DRC3: variants seen among roughly 807,000 people sequenced by gnomAD.
The protein encoded by DRC3 is leucine rich repeat containing 48.
A neutral mutation model predicts 57.6 loss-of-function variants in DRC3; 45 were observed. That is an observed-to-expected ratio of 0.78 (90% CI 0.62 to 1.00). The LOEUF (loss-of-function observed/expected upper bound fraction) is 1.00. Ranked by LOEUF, DRC3 falls within the 50% of genes least tolerant of loss-of-function variation. The probability of loss-of-function intolerance (pLI) is 0.00; values close to 1 mark genes in which losing one functional copy is unlikely to be tolerated. For synonymous variants in DRC3, 257 were observed against 272.3 expected (o/e 0.94, Z 0.55); for missense variants, 655 against 675.2 (o/e 0.97, Z 0.33).
At chr17:17,997,362 GCA>G (rs2043501893) in intron 8 of DRC3, 96 bp from the exon 9 acceptor site, 25 of 1,097,520 alleles carry the variant, frequency 2.3e-5, no homozygotes, top group Non-Finnish European at 3.3e-5. Flanking sequence ...ACTGTTGAGC[GCA>G]CAGTCTGTGC....
At chr17:18,002,238 A>G (rs866149799) in intron 9 of DRC3, among the ~76,000 whole-genome samples, 1 of 152,148 alleles carries the variant, frequency 6.6e-6, no homozygotes. Flanking sequence ...TTGAATCTTC[A>G]TCAGGAATTT....
intron 9 of DRC3, among the ~76,000 whole-genome samples, chr17:18,000,245 TGA>T (rs1491244581): frequency 1.9e-4 from 28 of 144,420 alleles, no homozygotes; most frequent in East Asian, 4.0e-4. Flanking sequence ...TGCTTTCACG[TGA>T]GTGTGTGTGT....
Position 17,983,907 on chromosome 17 carries a change from C to G in DRC3, c.240C>G (p.Ile80Met), listed in dbSNP as rs761876333. 6.2e-7 allele frequency: 1 copy of G among 1,613,434 alleles called. No homozygotes were observed. ...LQLDNNIIEK[I>M]EGLENLAHLV... ...TGGACAATAACATCATTGAGAAGAT[C>G]GAGGGCCTGGAGAACCTCGCACACC... Residue 80 changes from isoleucine to methionine, a missense_variant, in exon 4 of 14, where the codon ATC becomes ATG. Coordinates refer to ENST00000399187, the MANE Select transcript of DRC3 (RefSeq NM_031294.4).
chr17:18,005,374 C>T (rs2043909158), intron 10 of DRC3: 1 of 152,384 alleles, frequency 6.6e-6, no homozygotes, highest in South Asian at 2.1e-4. Context: ...GGTGCTCACT[C>T]TGCAGACAGT....
chr17:18,004,608 G>T, intron 10 of DRC3, 114 bp downstream of exon 10: 1 of 1,191,300 alleles, frequency 8.4e-7, no homozygotes, highest in Non-Finnish European at 1.2e-6. Context: ...GCACGACTCA[G>T]CGTGGCAGGC....
At chr17:18,009,864 A>G (rs556375233) in intron 12 of DRC3, among the ~76,000 whole-genome samples, 1 of 152,332 alleles carries the variant, frequency 6.6e-6, no homozygotes, top group African/African-American at 2.4e-5. Context: ...AATCTGTCCC[A>G]TATCTATTTT....
chr17:17,978,470 C>A (rs140227888), intron 3 of DRC3, among the ~76,000 whole-genome samples: 1 of 152,140 alleles, frequency 6.6e-6, no homozygotes, highest in African/African-American at 2.4e-5. Flanking sequence ...GATCCTGAGA[C>A]CCCCCTTTGT....
chr17:18,016,017 C>T (rs369426371), intron 12 of DRC3, 47 bp from the exon 13 acceptor site: 78 of 1,600,820 alleles, frequency 4.9e-5, no homozygotes, highest in East Asian at 1.1e-4. Context: ...TTTGTGTTCA[C>T]GGTATAATGA....
At chr17:18,005,107 C>T (rs2043899789) in intron 10 of DRC3, 1 of 152,676 alleles carries the variant, frequency 6.5e-6, no homozygotes, top group African/African-American at 2.4e-5. Flanking sequence ...CATCACATCA[C>T]AGGGCAGGTG....
At chr17:18,000,752 A>G (rs1292225133) in intron 9 of DRC3, among the ~76,000 whole-genome samples, 2 of 152,046 alleles carry the variant, frequency 1.3e-5, no homozygotes, top group African/African-American at 4.8e-5. Flanking sequence ...CTGAGTATGC[A>G]TTTATTTTCT....
chr17:17,987,957 C>T lies in DRC3; in HGVS notation c.303C>T (p.Thr101=), dbSNP rs1016903650. ...ATCTGTCTTTCAACAACATTGAGAC[C>T]ATCGAGGGGCTGGACACACTGGTGA... ...WLDLSFNNIE[T]IEGLDTLVNL... The change falls in exon 5 of 14, where the codon ACC becomes ACT. Residue 101 remains threonine (T), a synonymous_variant. Transcript: ENST00000399187. The T allele has an allele frequency of 6.2e-7, 1 of 1,613,958 alleles. No homozygotes were observed.
At chr17:18,011,117 C>T (rs1256844064) in intron 12 of DRC3, 2 of 209,284 alleles carry the variant, frequency 9.6e-6, no homozygotes, top group Admixed American at 1.2e-4. Flanking sequence ...GCCACCATGC[C>T]CAGCTAATTT....
intron 13 of DRC3, 160 bp downstream of exon 13, chr17:18,016,355 G>T: frequency 1.1e-6 from 1 of 917,858 alleles, no homozygotes. Context: ...ACATTGCCCA[G>T]AGACTTTAAA....
chr17:17,979,974 A>G (rs969419101), intron 3 of DRC3, among the ~76,000 whole-genome samples: 4 of 151,992 alleles, frequency 2.6e-5, no homozygotes, highest in Non-Finnish European at 4.4e-5. Context: ...CTGGGAACCC[A>G]GGATAGGTGC....
At chr17:17,976,831 G>T (rs747972091) in intron 2 of DRC3, among the ~76,000 whole-genome samples, 3 of 152,126 alleles carry the variant, frequency 2.0e-5, no homozygotes, top group Non-Finnish European at 4.4e-5. Flanking sequence ...TGTCTGTGTC[G>T]ATCTGTCTGT....
At chr17:17,983,723 G>A (rs914844181) in intron 3 of DRC3, 105 bp from the exon 4 acceptor site, 3 of 755,108 alleles carry the variant, frequency 4.0e-6, no homozygotes, top group East Asian at 2.6e-5. Context: ...GGGCAGGGCA[G>A]AAGAGTTCTA....
At chr17:17,981,376 G>T in intron 3 of DRC3, 1 of 192,544 alleles carries the variant, frequency 5.2e-6, no homozygotes, top group Non-Finnish European at 1.2e-5. Flanking sequence ...CCAAGTGATA[G>T]TCCAGCTGTG....
intron 5 of DRC3, 57 bp from the exon 6 acceptor site, chr17:17,992,708 G>A: frequency 6.4e-7 from 1 of 1,568,752 alleles, no homozygotes; most frequent in Non-Finnish European, 8.7e-7. Context: ...AGGTGCAGCT[G>A]TGTTTTCAAC....
At chr17:17,983,145 G>C (rs1207654961) in intron 3 of DRC3, among the ~76,000 whole-genome samples, 1 of 152,192 alleles carries the variant, frequency 6.6e-6, no homozygotes, top group Non-Finnish European at 1.5e-5. Flanking sequence ...GGTCCTCACA[G>C]GCCACAGGGG....
Sources: gnomAD v4.1 joint callset for allele counts (sites outside exome capture counted in the v4.1 genomes callset) on GRCh38, gnomAD v4.1.1 for gene constraint, MANE v1.5 for transcripts, NCBI Gene and HGNC (gene_info 2026-07-23, HGNC 2026-07-21) for gene names.